The following ZNF721 variants were observed in gnomAD, a reference collection of about 807,000 sequenced individuals.
ZNF721 encodes the protein zinc finger protein 721.
A neutral mutation model predicts 2.4 loss-of-function variants in ZNF721; 2 were observed. That is an observed-to-expected ratio of 0.82 (90% CI 0.34 to 2.58). ZNF721 has a LOEUF of 2.58. ZNF721 is among the 30% of genes most tolerant of loss of function. The pLI, the probability that ZNF721 is intolerant of heterozygous loss-of-function variation, is 0.11. For synonymous variants in ZNF721, 398 were observed against 381.8 expected, an observed-to-expected ratio of 1.04 and a Z score of -0.50; for missense variants, 1,187 against 1,085.5, an observed-to-expected ratio of 1.09 and a Z score of -1.31.
At chr4:465,769 C>T (rs566987850) in intron 2 of ZNF721, among the ~76,000 whole-genome samples, 2 of 149,904 alleles carry the variant, frequency 1.3e-5, no homozygotes, top group South Asian at 2.1e-4. Context: ...TATTTTATGT[C>T]TCTTGGAAAT....
chr4:448,808 AC>A (rs1714560693), intron 2 of ZNF721, among the ~76,000 whole-genome samples: 1 of 152,236 alleles, frequency 6.6e-6, no homozygotes, highest in Admixed American at 6.5e-5. Context: ...AGTTTTAGAC[AC>A]TCATAATTAC....
chr4:448,010 G>T (rs1160335505), intron 2 of ZNF721, among the ~76,000 whole-genome samples: 1 of 151,998 alleles, frequency 6.6e-6, no homozygotes, highest in Non-Finnish European at 1.5e-5. Flanking sequence ...AATGAAACAA[G>T]ATAAAATATT....
chr4:477,037 T>C (rs1333203519), intron 1 of ZNF721, among the ~76,000 whole-genome samples: 3 of 152,110 alleles, frequency 2.0e-5, no homozygotes, highest in Non-Finnish European at 2.9e-5. Context: ...TCCTCACTCC[T>C]TTTTGGGCCT....
At chr4:477,475 T>C (rs1715661468) in intron 1 of ZNF721, among the ~76,000 whole-genome samples, 1 of 151,988 alleles carries the variant, frequency 6.6e-6, no homozygotes, top group Admixed American at 6.6e-5. Flanking sequence ...CCGGACCTCG[T>C]GATCCGCCTG....
intron 2 of ZNF721, 82 bp from the exon 3 acceptor site, chr4:444,514 T>A: frequency 7.5e-7 from 1 of 1,328,778 alleles, no homozygotes; most frequent in Non-Finnish European, 1.0e-6. Flanking sequence ...TTATACAAAG[T>A]ACGCTAGTAA....
chr4:483,122 G>A (rs1261014414), intron 1 of ZNF721, among the ~76,000 whole-genome samples: 3 of 152,166 alleles, frequency 2.0e-5, no homozygotes, highest in African/African-American at 7.2e-5. Context: ...AGTTGAAGTA[G>A]AAATTAAACA....
chr4:487,963 G>A (rs764839385), intron 1 of ZNF721, among the ~76,000 whole-genome samples: 16 of 152,174 alleles, frequency 1.1e-4, no homozygotes, highest in African/African-American at 3.6e-4. Context: ...TGGAGTGGCC[G>A]TGGGCCAAGC....
rs1714365562 is a variant in ZNF721, at chr4:443,762, G to A, written c.705C>T (p.His235=). 6.2e-7 allele frequency: 1 copy of A among 1,614,000 alleles called. No homozygotes were observed. The highest frequency in any genetic ancestry group is 1.3e-5 in the African/African-American group (1 of 75,028). The change falls in exon 3 of 3, where the codon CAC becomes CAT. Residue 235 remains histidine (H), a synonymous_variant. Coordinates refer to ENST00000511833, the MANE Select transcript of ZNF721 (RefSeq NM_133474.4). ...TATGAATTTTCTCATGTTTATTCAG[G>A]TGTGAGGAATGCATAAAGGCTTTCC... is the stretch of plus-strand genomic sequence containing the variant. ...ECGKAFMHSS[H]LNKHEKIHTG...
chr4:453,322 T>C (rs1203354427), intron 2 of ZNF721: 2 of 152,194 alleles, frequency 1.3e-5, no homozygotes, highest in Admixed American at 1.3e-4. Flanking sequence ...CCAATGGCAA[T>C]GAAACAAATG....
At position 467,331 on chromosome 4, in the gene ZNF721, C is replaced by A. The variant is rs555376122; in HGVS notation, c.34+5244G>T. ...GTCGGATCATACAATAAGGATAAATCTTAAAGCCATTATTTTAATAAGACA... is the reference window on the plus strand; with the variant it reads ...GTCGGATCATACAATAAGGATAAATATTAAAGCCATTATTTTAATAAGACA... On this transcript the variant is annotated intron_variant, in intron 2 of 2. Coordinates refer to ENST00000511833, the MANE Select transcript of ZNF721 (RefSeq NM_133474.4). Among the ~76,000 whole-genome samples, 4 of 152,204 alleles carry A rather than the reference C, an allele frequency of 2.6e-5. No individual in the cohort carries two copies. In the South Asian group the frequency reaches 8.3e-4, roughly 32 times the overall value.
chr4:464,832 C>T (rs933849621), intron 2 of ZNF721, among the ~76,000 whole-genome samples: 1 of 151,876 alleles, frequency 6.6e-6, no homozygotes, highest in South Asian at 2.1e-4. Context: ...GTAATCCCAG[C>T]ACTTTGGGAG....
intron 1 of ZNF721, among the ~76,000 whole-genome samples, chr4:490,034 T>C (rs1715983319): frequency 6.6e-6 from 1 of 151,844 alleles, no homozygotes; most frequent in East Asian, 2.0e-4. Context: ...TAATTTTTTG[T>C]ATTTTAGTAG....
rs143694347 is a variant in ZNF721 at position 492,684 on chromosome 4, T to C, written c.-94+6372A>G. ...TTCATGACATGTTTGGATTTTCTGG[T>C]TTGTCCTGAACATCCCTCTTTCTTA... On this transcript the variant is annotated intron_variant, in intron 1 of 2. Coordinates refer to ENST00000511833, the MANE Select transcript of ZNF721 (RefSeq NM_133474.4). Among the ~76,000 whole-genome samples, 362 of 151,264 alleles carry C rather than the reference T, an allele frequency of 2.4e-3. 2 individuals carry two copies. Among genetic ancestry groups the C allele is most frequent in the African/African-American group, 8.1e-3 (335 of 41,386 alleles).
intron 2 of ZNF721, among the ~76,000 whole-genome samples, chr4:460,976 G>T (rs1715047117): frequency 6.6e-6 from 1 of 152,076 alleles, no homozygotes. Context: ...ACCAAAAAAA[G>T]CCAGGACCAG....
chr4:498,726 C>CTT (rs1180549953), intron 1 of ZNF721, among the ~76,000 whole-genome samples: 2,261 of 132,500 alleles, frequency 0.017, 75 homozygotes, highest in African/African-American at 0.057. Context: ...GTTGAATTTT[C>CTT]TTTTTTTTTT....
chr4:491,243 T>C (rs1022614745), intron 1 of ZNF721, among the ~76,000 whole-genome samples: 2 of 151,770 alleles, frequency 1.3e-5, no homozygotes, highest in African/African-American at 4.8e-5. Context: ...CTGGCCAACA[T>C]AGTTAAAGCC....
intron 2 of ZNF721, among the ~76,000 whole-genome samples, chr4:452,802 G>A (rs368573658): frequency 2.0e-5 from 3 of 152,124 alleles, no homozygotes; most frequent in African/African-American, 7.2e-5. Flanking sequence ...TCAACCATGA[G>A]GTCTTTATGA....
chr4:452,013 T>C (rs782233462), intron 2 of ZNF721, among the ~76,000 whole-genome samples: 4 of 152,136 alleles, frequency 2.6e-5, no homozygotes, highest in Non-Finnish European at 5.9e-5. Context: ...GTATAGATGG[T>C]GCTTGCTTAC....
chr4:468,765 A>G (rs1553867169), intron 2 of ZNF721, among the ~76,000 whole-genome samples: 1 of 152,208 alleles, frequency 6.6e-6, no homozygotes, highest in Non-Finnish European at 1.5e-5. Context: ...CTGTCAAAAA[A>G]CAGATTATAC....
Sources: allele counts gnomAD v4.1 joint callset (sites outside exome capture counted in the v4.1 genomes callset), GRCh38; gene constraint gnomAD v4.1.1; transcripts MANE v1.5; gene names NCBI Gene and HGNC (gene_info 2026-07-23, HGNC 2026-07-21).